CACNG3: variants seen among roughly 807,000 people sequenced by gnomAD.
CACNG3 encodes the protein calcium voltage-gated channel auxiliary subunit gamma 3, also known as voltage-dependent calcium channel gamma-3 subunit.
CACNG3 carries 3 observed loss-of-function variants against 28.5 expected under a neutral mutation model. That is an observed-to-expected ratio of 0.11 (90% confidence interval 0.05 to 0.27). CACNG3 has a LOEUF of 0.27. Among genes scored for constraint, CACNG3 ranks in the 10% least tolerant of loss-of-function variants. The pLI, the probability that CACNG3 is intolerant of heterozygous loss-of-function variation, is 1.00. For missense variants in CACNG3, 236 were observed against 414.4 expected (o/e 0.57, Z 3.74); for synonymous variants, 174 against 162.2 (o/e 1.07, Z -0.55).
At chr16:24,301,319 A>T (rs1899108151) in intron 1 of CACNG3, among the ~76,000 whole-genome samples, 1 of 151,788 alleles carries the variant, frequency 6.6e-6, no homozygotes, top group Admixed American at 6.6e-5. Context: ...GGGTCATTTT[A>T]TCTTGCAACC....
At chr16:24,295,583 A>C (rs75731243) in intron 1 of CACNG3, among the ~76,000 whole-genome samples, 336 of 152,282 alleles carry the variant, frequency 2.2e-3, no homozygotes, top group African/African-American at 7.9e-3. Context: ...GTGGTGGCTC[A>C]TGTCTGTAAT....
At chr16:24,312,903 AGAAG>A (rs1221123848) in intron 1 of CACNG3, among the ~76,000 whole-genome samples, 21 of 118,100 alleles carry the variant, frequency 1.8e-4, no homozygotes, top group Non-Finnish European at 2.8e-4. Context: ...AAGGAAAGAA[AGAAG>A]GAAGGAAGGA....
chr16:24,287,345 C>T (rs1898907756), intron 1 of CACNG3, among the ~76,000 whole-genome samples: 1 of 151,712 alleles, frequency 6.6e-6, no homozygotes, highest in African/African-American at 2.4e-5. Flanking sequence ...TAGCAAAACC[C>T]CATCTCTACT....
intron 1 of CACNG3, among the ~76,000 whole-genome samples, chr16:24,305,290 A>G (rs1017849384): frequency 6.6e-6 from 1 of 151,640 alleles, no homozygotes; most frequent in African/African-American, 2.4e-5. Flanking sequence ...TAAAAAGTAT[A>G]TATATATATA....
In CACNG3 at chr16:24,346,790, G is replaced by A. The variant is rs1426360236; in HGVS notation, c.268G>A (p.Glu90Lys). Reference sequence around the variant, plus strand: ...TCACTTCCCTGAAGATGCTGACTACGAACAGGACACAGCCGAATATCTCCT... The same window carrying A: ...TCACTTCCCTGAAGATGCTGACTACAAACAGGACACAGCCGAATATCTCCT... The part of the protein sequence containing the change: ...IDHFPEDADY[E>K]QDTAEYLLRA... The change falls in exon 2 of 4, where the codon GAA becomes AAA. Residue 90 changes from glutamate to lysine, a missense_variant. This residue lies in a region of CACNG3 where 120 missense variants were observed against 263.4 expected (regional missense o/e 0.46). Transcript: ENST00000005284. 2.5e-6 allele frequency: 4 copies of A among 1,614,128 alleles called. No individual in the cohort carries two copies. Among genetic ancestry groups the A allele is most frequent in the Non-Finnish European group, 3.4e-6 (4 of 1,179,964 alleles).
At chr16:24,336,310 C>T (rs1389001973) in intron 1 of CACNG3, among the ~76,000 whole-genome samples, 2 of 150,430 alleles carry the variant, frequency 1.3e-5, no homozygotes, top group Non-Finnish European at 3.0e-5. Flanking sequence ...CTCGCTCTGT[C>T]TCCCAGGCTG....
intron 3 of CACNG3, among the ~76,000 whole-genome samples, chr16:24,358,072 T>C (rs1350940344): frequency 6.6e-6 from 1 of 152,168 alleles, no homozygotes; most frequent in Non-Finnish European, 1.5e-5. Flanking sequence ...AATGAAAGGA[T>C]TGGAGGATTC....
At chr16:24,276,867 CA>C (rs200516332) in intron 1 of CACNG3, among the ~76,000 whole-genome samples, 1,789 of 152,138 alleles carry the variant, frequency 0.012, 10 homozygotes, top group Non-Finnish European at 0.019. Flanking sequence ...AAGCAAAGTG[CA>C]AAAAAACTGA....
At chr16:24,269,746 C>CAAA (rs1163565728) in intron 1 of CACNG3, among the ~76,000 whole-genome samples, 207 of 70,886 alleles carry the variant, frequency 2.9e-3, no homozygotes, top group Non-Finnish European at 3.6e-3. Context: ...GACTCCATCT[C>CAAA]AAAAAAAAAA....
intron 1 of CACNG3, among the ~76,000 whole-genome samples, chr16:24,294,109 G>A (rs62029010): frequency 0.2 from 30,803 of 152,150 alleles, 3,598 homozygotes; most frequent in Non-Finnish European, 0.28. Flanking sequence ...CAAACCTGGC[G>A]TTGTGCACCT....
intron 3 of CACNG3, among the ~76,000 whole-genome samples, chr16:24,358,463 A>G (rs1481720493): frequency 3.3e-5 from 5 of 152,240 alleles, no homozygotes; most frequent in Non-Finnish European, 7.3e-5. Flanking sequence ...ATCATCCAGT[A>G]TGTCTTCAAC....
intron 1 of CACNG3, among the ~76,000 whole-genome samples, chr16:24,331,044 C>G (rs1043134563): frequency 6.6e-6 from 1 of 152,154 alleles, no homozygotes; most frequent in Non-Finnish European, 1.5e-5. Context: ...CTCTGTACCC[C>G]TGCTTTGCTG....
chr16:24,354,784 C>A, intron 2 of CACNG3, 49 bp from the exon 3 acceptor site: 3 of 1,595,140 alleles, frequency 1.9e-6, no homozygotes, highest in Non-Finnish European at 2.6e-6. Context: ...TGGGAGGACC[C>A]CAGGGGCTGG....
At chr16:24,267,464 T>G (rs1898628427) in intron 1 of CACNG3, among the ~76,000 whole-genome samples, 1 of 152,008 alleles carries the variant, frequency 6.6e-6, no homozygotes, top group South Asian at 2.1e-4. Flanking sequence ...TTTTTAAAAT[T>G]TTTTGTAGAG....
intron 1 of CACNG3, among the ~76,000 whole-genome samples, chr16:24,317,358 A>G (rs1342641787): frequency 6.6e-6 from 1 of 151,924 alleles, no homozygotes; most frequent in African/African-American, 2.4e-5. Context: ...CCTGGCCAAC[A>G]TGGTGAAACC....
intron 1 of CACNG3, among the ~76,000 whole-genome samples, chr16:24,343,728 G>A (rs1432081711): frequency 6.6e-6 from 1 of 152,166 alleles, no homozygotes; most frequent in East Asian, 1.9e-4. Flanking sequence ...CTGTGTCCTT[G>A]AGTAAATCGG....
At chr16:24,316,448 G>GTCT (rs1285211510) in intron 1 of CACNG3, among the ~76,000 whole-genome samples, 1 of 152,010 alleles carries the variant, frequency 6.6e-6, no homozygotes, top group African/African-American at 2.4e-5. Flanking sequence ...AGTGGACTCT[G>GTCT]TGAGTCTGTG....
At chr16:24,270,225 T>C (rs1015030519) in intron 1 of CACNG3, among the ~76,000 whole-genome samples, 2 of 152,240 alleles carry the variant, frequency 1.3e-5, no homozygotes, top group African/African-American at 4.8e-5. Flanking sequence ...CATCACCTCA[T>C]TCTACTGTCA....
chr16:24,274,186 CA>C (rs72368556), intron 1 of CACNG3, among the ~76,000 whole-genome samples: 24,939 of 103,098 alleles, frequency 0.24, 2,145 homozygotes, highest in Non-Finnish European at 0.32. Flanking sequence ...GACTCCATCT[CA>C]AAAAAAAAAA....
Sources: allele counts gnomAD v4.1 joint callset (sites outside exome capture counted in the v4.1 genomes callset), GRCh38; gene constraint gnomAD v4.1.1; regional missense constraint gnomAD v4.1.1; transcripts MANE v1.5; gene names NCBI Gene and HGNC (gene_info 2026-07-23, HGNC 2026-07-21).